STRN3: variants seen among roughly 807,000 people sequenced by gnomAD.
STRN3 encodes the protein striatin 3.
Under a neutral mutation model 95.6 loss-of-function variants are expected in STRN3, and 29 were observed. That is an observed-to-expected ratio of 0.30 (90% CI 0.23 to 0.41). The LOEUF is 0.41. Ranked by LOEUF, STRN3 falls within the 10% of genes least tolerant of loss-of-function variation. The pLI is 1.00. For missense variants in STRN3, 890 were observed against 972.1 expected (o/e 0.92, Z 1.12); for synonymous variants, 331 against 357.6 (o/e 0.93, Z 0.84).
chr14:30,975,895 C>T (rs575044342), intron 1 of STRN3, among the ~76,000 whole-genome samples: 3 of 148,814 alleles, frequency 2.0e-5, no homozygotes, highest in Non-Finnish European at 4.4e-5. Flanking sequence ...TTTATAAGTC[C>T]TAGGATAACT....
chr14:30,911,578 C>T (rs1187343493), intron 12 of STRN3, among the ~76,000 whole-genome samples, 199 bp downstream of exon 12: 1 of 152,134 alleles, frequency 6.6e-6, no homozygotes, highest in Non-Finnish European at 1.5e-5. Flanking sequence ...CCTCAGATTA[C>T]AGGCATGAAC....
intron 1 of STRN3, among the ~76,000 whole-genome samples, chr14:30,965,588 G>A (rs1028371603): frequency 6.6e-6 from 1 of 151,998 alleles, no homozygotes; most frequent in African/African-American, 2.4e-5. Context: ...GGGAGGCTGA[G>A]GCAGATGGAT....
intron 5 of STRN3, among the ~76,000 whole-genome samples, chr14:30,943,673 A>C (rs757355040): frequency 5.9e-5 from 9 of 152,222 alleles, no homozygotes; most frequent in Non-Finnish European, 8.8e-5. Flanking sequence ...AAAATGCAGT[A>C]TATGCATACA....
intron 13 of STRN3, 41 bp from the exon 14 acceptor site, chr14:30,907,085 G>T (rs760437576): frequency 6.3e-7 from 1 of 1,587,052 alleles, no homozygotes; most frequent in South Asian, 1.2e-5. Flanking sequence ...GGTAAAAGAA[G>T]TTTAAAAGAA....
intron 1 of STRN3, among the ~76,000 whole-genome samples, chr14:31,007,230 A>G (rs1315621900): frequency 6.6e-6 from 1 of 152,234 alleles, no homozygotes; most frequent in Non-Finnish European, 1.5e-5. Flanking sequence ...GTAACTTGAT[A>G]CCAAATCTTG....
At chr14:30,980,889 C>G (rs1881363060) in intron 1 of STRN3, among the ~76,000 whole-genome samples, 1 of 151,788 alleles carries the variant, frequency 6.6e-6, no homozygotes, top group Non-Finnish European at 1.5e-5. Context: ...ACTGCAACAC[C>G]ACTCAGAAGC....
intron 1 of STRN3, among the ~76,000 whole-genome samples, chr14:30,976,975 A>C (rs961712047): frequency 2.0e-5 from 3 of 152,160 alleles, no homozygotes; most frequent in Admixed American, 1.3e-4. Context: ...CTGTAATCCC[A>C]GCACTTTGGG....
chr14:30,920,223 T>C (rs1410357109), intron 8 of STRN3, among the ~76,000 whole-genome samples: 1 of 152,198 alleles, frequency 6.6e-6, no homozygotes, highest in Non-Finnish European at 1.5e-5. Flanking sequence ...ATTGGTCCTA[T>C]TTTACAGTAA....
rs115666436 is a variant in STRN3, at chr14:30,998,791, A to G, written c.282+27113T>C. On this transcript the variant is annotated intron_variant, in intron 1 of 17. Coordinates refer to ENST00000357479, the MANE Select transcript of STRN3 (RefSeq NM_001083893.2). ...GGGGGTGGGTGAATCTGATTTCCAG[A>G]GTTTCCACATTATATTAAATGTCTA... is the stretch of plus-strand genomic sequence containing the variant. Among the ~76,000 whole-genome samples the G allele has an allele frequency of 4.5e-3, 687 of 152,208 alleles. 3 individuals are homozygous for G. The highest frequency in any genetic ancestry group is 0.016 in the African/African-American group (664 of 41,528).
chr14:31,009,741 T>A (rs915797223), intron 1 of STRN3, among the ~76,000 whole-genome samples: 7 of 151,736 alleles, frequency 4.6e-5, no homozygotes, highest in African/African-American at 1.7e-4. Context: ...CACAAAAAAA[T>A]TTAAATACAT....
intron 1 of STRN3, among the ~76,000 whole-genome samples, chr14:31,024,807 A>C (rs1328926785): frequency 1.3e-5 from 2 of 152,214 alleles, no homozygotes; most frequent in Non-Finnish European, 2.9e-5. Flanking sequence ...GAACAGGTGC[A>C]ATACTATTTA....
At chr14:30,964,918 C>A in intron 1 of STRN3, among the ~76,000 whole-genome samples, 1 of 127,208 alleles carries the variant, frequency 7.9e-6, no homozygotes, top group African/African-American at 2.7e-5. Context: ...AAGGCCCCTT[C>A]TCAAAAAAAA....
At chr14:30,973,496 C>A (rs1880940220) in intron 1 of STRN3, among the ~76,000 whole-genome samples, 1 of 152,094 alleles carries the variant, frequency 6.6e-6, no homozygotes, top group East Asian at 1.9e-4. Context: ...AATCTCCCAA[C>A]AAAGAAAAGC....
chr14:30,914,770 T>C (rs1896694688), intron 9 of STRN3, among the ~76,000 whole-genome samples: 1 of 152,240 alleles, frequency 6.6e-6, no homozygotes, highest in Admixed American at 6.5e-5. Context: ...TCTGATCAGA[T>C]TTGCCATTTC....
At chr14:30,959,198 C>CG (rs374328376) in intron 1 of STRN3, among the ~76,000 whole-genome samples, 3 of 152,170 alleles carry the variant, frequency 2.0e-5, no homozygotes, top group Admixed American at 1.3e-4. Flanking sequence ...TGGCGGTGCA[C>CG]GCCTGTTATC....
chr14:30,927,565 T>C (rs976160353), intron 8 of STRN3, among the ~76,000 whole-genome samples: 6 of 151,912 alleles, frequency 3.9e-5, no homozygotes, highest in Non-Finnish European at 7.4e-5. Context: ...AGTCAGTTTA[T>C]GATACTATAT....
In STRN3 at chr14:30,893,831, T is replaced by C. The variant is rs534465895; in HGVS notation, c.*1580A>G. On this transcript the variant is annotated 3_prime_UTR_variant, in exon 18 of 18. Transcript: ENST00000357479. Reference sequence around the variant, plus strand: ...CATTTCCTAGTTTAATTATGGAGAATAAAGTATTGCACTTTATTATTCAAC... The same window carrying C: ...CATTTCCTAGTTTAATTATGGAGAACAAAGTATTGCACTTTATTATTCAAC... 1 of 152,740 alleles carries C rather than the reference T, an allele frequency of 6.5e-6. No individual in the cohort carries two copies. Among genetic ancestry groups the C allele is most frequent in the East Asian group, 1.9e-4 (1 of 5,188 alleles). The allele number at this position is 152,740 out of a possible 1,614,324, so 9.5% of individuals were successfully genotyped here.
rs979106613 is a variant in STRN3 at position 30,925,585 on chromosome 14, T to C, written c.1099+3616A>G. Among the ~76,000 whole-genome samples the C allele has an allele frequency of 8.7e-4, 132 of 152,328 alleles. 1 individual carries two copies. The highest frequency in any genetic ancestry group is 8.8e-5 in the Non-Finnish European group (6 of 68,014). ...CAAGGTTGGTAAATGTATACAAATTTACATTTACATAGGTAGAATAAGTTC... is the reference window on the plus strand; with the variant it reads ...CAAGGTTGGTAAATGTATACAAATTCACATTTACATAGGTAGAATAAGTTC... On this transcript the variant is annotated intron_variant, in intron 8 of 17. Transcript: ENST00000357479.
chr14:30,934,429 G>C (rs1878716371), intron 7 of STRN3, among the ~76,000 whole-genome samples: 1 of 152,108 alleles, frequency 6.6e-6, no homozygotes, highest in Non-Finnish European at 1.5e-5. Context: ...AATGAGGATT[G>C]CATGAATGTA....
Sources: gnomAD v4.1 joint callset for allele counts (sites outside exome capture counted in the v4.1 genomes callset) on GRCh38, gnomAD v4.1.1 for gene constraint, MANE v1.5 for transcripts, NCBI Gene and HGNC (gene_info 2026-07-23, HGNC 2026-07-21) for gene names.